Variants in WWOX observed in about 807,000 individuals in gnomAD.
WWOX encodes the protein WW domain containing oxidoreductase, also known as WW domain-containing oxidoreductase.
In WWOX, 69 loss-of-function variants were observed where a neutral mutation model predicts 46.2. That is an observed-to-expected ratio of 1.49 (90% CI 1.23 to 1.82). The LOEUF (loss-of-function observed/expected upper bound fraction) is 1.82, where lower values mean the gene tolerates loss of function less well. WWOX is among the 40% of genes most tolerant of loss of function. WWOX has a pLI of 0.00. For missense variants in WWOX, 919 were observed against 542.6 expected (o/e 1.69, Z -6.89); for synonymous variants, 359 against 202.6 (o/e 1.77, Z -6.56).
At chr16:79,108,840 G>C (rs2049360313) in intron 8 of WWOX, among the ~76,000 whole-genome samples, 1 of 151,978 alleles carries the variant, frequency 6.6e-6, no homozygotes, top group African/African-American at 2.4e-5. Flanking sequence ...GGTCGAGACT[G>C]CAGTGAGCCA....
intron 8 of WWOX, among the ~76,000 whole-genome samples, chr16:79,133,453 A>G (rs1453111960): frequency 1.3e-5 from 2 of 152,248 alleles, no homozygotes; most frequent in Non-Finnish European, 2.9e-5. Context: ...AAATCCTTAC[A>G]CAGAACGAGT....
intron 8 of WWOX, among the ~76,000 whole-genome samples, chr16:79,114,897 T>C (rs113081957): frequency 0.015 from 2,217 of 152,304 alleles, 58 homozygotes; most frequent in African/African-American, 0.051. Context: ...TCCCAGCCCA[T>C]TGGTGATGAC....
At chr16:79,208,180 T>C (rs1419901413) in intron 8 of WWOX, among the ~76,000 whole-genome samples, 6 of 152,228 alleles carry the variant, frequency 3.9e-5, no homozygotes, top group Non-Finnish European at 5.9e-5. Flanking sequence ...AGTTCTCCTC[T>C]GGCAGCTCAC....
Position 78,234,083 on chromosome 16 carries a change from A to G in WWOX, c.516+69794A>G, listed in dbSNP as rs142103713. Among the ~76,000 whole-genome samples, 73 of 151,140 alleles carry G rather than the reference A, an allele frequency of 4.8e-4. No individual in the cohort carries two copies. In the East Asian group the frequency reaches 0.013, roughly 27 times the overall value. ...TTAATTACCTAAAGGGAACTTATTGATTTTAGTCCAGAACACGGTGGGGAG... is the reference window on the plus strand; with the variant it reads ...TTAATTACCTAAAGGGAACTTATTGGTTTTAGTCCAGAACACGGTGGGGAG... On this transcript the variant is annotated intron_variant, in intron 5 of 8. Coordinates refer to ENST00000566780, the MANE Select transcript of WWOX (RefSeq NM_016373.4).
At chr16:79,016,315 C>G (rs1201588788) in intron 8 of WWOX, 1 of 152,276 alleles carries the variant, frequency 6.6e-6, no homozygotes, top group Non-Finnish European at 1.5e-5. Flanking sequence ...TGCGGTGATG[C>G]TGTCACAGTT....
intron 8 of WWOX, among the ~76,000 whole-genome samples, chr16:78,786,801 A>T (rs1490476584): frequency 6.6e-6 from 1 of 152,238 alleles, no homozygotes; most frequent in African/African-American, 2.4e-5. Flanking sequence ...GAATGTTTCT[A>T]ATACATGCTT....
intron 8 of WWOX, among the ~76,000 whole-genome samples, chr16:78,580,307 A>G (rs1199137649): frequency 1.3e-5 from 2 of 152,046 alleles, no homozygotes; most frequent in Non-Finnish European, 2.9e-5. Flanking sequence ...CTCCTGCAGT[A>G]CAGTATTGCA....
At chr16:78,797,444 C>G (rs2050772148) in intron 8 of WWOX, among the ~76,000 whole-genome samples, 1 of 150,578 alleles carries the variant, frequency 6.6e-6, no homozygotes, top group South Asian at 2.1e-4. Flanking sequence ...CCCCAAATGC[C>G]TAAAGTAGAC....
At chr16:79,046,198 A>G (rs1214213990) in intron 8 of WWOX, among the ~76,000 whole-genome samples, 1 of 152,128 alleles carries the variant, frequency 6.6e-6, no homozygotes, top group African/African-American at 2.4e-5. Context: ...CACTGTTATT[A>G]TTATTGTCAG....
At chr16:78,225,705 C>G (rs921099361) in intron 5 of WWOX, among the ~76,000 whole-genome samples, 2 of 152,116 alleles carry the variant, frequency 1.3e-5, no homozygotes, top group Non-Finnish European at 2.9e-5. Flanking sequence ...ATAAGTTATT[C>G]CTTCCCCAGG....
At chr16:78,908,709 G>A (rs1390687199) in intron 8 of WWOX, among the ~76,000 whole-genome samples, 2 of 152,104 alleles carry the variant, frequency 1.3e-5, no homozygotes, top group Non-Finnish European at 2.9e-5. Flanking sequence ...GGTTTGAGAT[G>A]GAATCAGGGA....
At chr16:78,821,405 C>A (rs1204996929) in intron 8 of WWOX, among the ~76,000 whole-genome samples, 1 of 152,142 alleles carries the variant, frequency 6.6e-6, no homozygotes, top group Non-Finnish European at 1.5e-5. Context: ...CCCCTGCTCA[C>A]CACATGGCTT....
chr16:78,713,849 A>T (rs548205732), intron 8 of WWOX, among the ~76,000 whole-genome samples: 1 of 152,318 alleles, frequency 6.6e-6, no homozygotes, highest in African/African-American at 2.4e-5. Flanking sequence ...CTGGGGAAAC[A>T]GATACCTCCG....
chr16:78,582,369 G>A (rs1033360799), intron 8 of WWOX, among the ~76,000 whole-genome samples: 3 of 152,138 alleles, frequency 2.0e-5, no homozygotes, highest in African/African-American at 7.2e-5. Flanking sequence ...CAAGAATGTG[G>A]CTTCAATGAG....
chr16:78,918,664 G>C (rs1340572903), intron 8 of WWOX, among the ~76,000 whole-genome samples: 1 of 152,126 alleles, frequency 6.6e-6, no homozygotes, highest in African/African-American at 2.4e-5. Flanking sequence ...GTTGAAATCA[G>C]CTCCATCCTG....
chr16:78,482,713 C>T (rs567130069), intron 8 of WWOX, among the ~76,000 whole-genome samples: 1 of 152,110 alleles, frequency 6.6e-6, no homozygotes, highest in Admixed American at 6.5e-5. Flanking sequence ...TGTTAAAAAG[C>T]TGGTAAGTGG....
intron 5 of WWOX, among the ~76,000 whole-genome samples, chr16:78,298,929 G>A (rs2079990729): frequency 2.6e-5 from 4 of 150,960 alleles, no homozygotes; most frequent in Admixed American, 2.0e-4. Context: ...CCGGACAAGT[G>A]TTCTTATTTT....
chr16:78,115,277 T>C, intron 4 of WWOX, 123 bp downstream of exon 4: 4 of 1,143,704 alleles, frequency 3.5e-6, no homozygotes, highest in Non-Finnish European at 5.2e-6. Flanking sequence ...CCTTTTCAGA[T>C]ATCGTTTCAT....
intron 8 of WWOX, among the ~76,000 whole-genome samples, chr16:78,994,826 C>A: frequency 6.6e-6 from 1 of 151,946 alleles, no homozygotes; most frequent in East Asian, 1.9e-4. Context: ...CACCATTTGC[C>A]GTTGCACTAG....
Sources: allele counts gnomAD v4.1 joint callset (sites outside exome capture counted in the v4.1 genomes callset), GRCh38; gene constraint gnomAD v4.1.1; transcripts MANE v1.5; gene names NCBI Gene and HGNC (gene_info 2026-07-23, HGNC 2026-07-21).